TRA2B: variants seen among roughly 807,000 people sequenced by gnomAD.
TRA2B encodes transformer-2 protein homolog beta.
A neutral mutation model predicts 41.7 loss-of-function variants in TRA2B; 14 were observed. The ratio of observed to expected loss-of-function variants is 0.34; its 90% CI spans 0.22 to 0.53. The LOEUF is 0.53. Ranked by LOEUF, TRA2B falls within the 20% of genes least tolerant of loss-of-function variation. The pLI is 0.95. For missense variants in TRA2B, 167 were observed against 396.8 expected, an observed-to-expected ratio of 0.42 and a Z score of 4.92; for synonymous variants, 130 against 128.8, an observed-to-expected ratio of 1.01 and a Z score of -0.06.
In TRA2B at chr3:185,923,990, G is replaced by GA. The variant is rs757369157; in HGVS notation, c.334-7dup. The GA allele has an allele frequency of 1.6e-3, 2,324 of 1,452,348 alleles. No individual in the cohort carries two copies. Among genetic ancestry groups the GA allele is most frequent in the South Asian group, 4.4e-3 (331 of 75,256 alleles). The allele number at this position is 1,452,348 out of a possible 1,614,324, so 90.0% of individuals were successfully genotyped here. On this transcript the variant is annotated splice_region_variant and splice_polypyrimidine_tract_variant and intron_variant, in intron 3 of 8. Transcript: ENST00000453386. Reference sequence around the variant, plus strand: ...CAGTTAGGATCAGGATTTGCCTAGGGAAAAAAAAAAGTTTTAAACTTTGGA... The same window carrying GA: ...CAGTTAGGATCAGGATTTGCCTAGGGAAAAAAAAAAAGTTTTAAACTTTGGA...
At chr3:185,931,543 A>G in intron 1 of TRA2B, 2 of 1,150,786 alleles carry the variant, frequency 1.7e-6, no homozygotes, top group Non-Finnish European at 2.1e-6. Context: ...GTTTAGCAAA[A>G]TATACAGGGA....
At chr3:185,919,534 TTG>T (rs1743633945) in intron 6 of TRA2B, 38 bp from the exon 7 acceptor site, 1 of 1,557,928 alleles carries the variant, frequency 6.4e-7, no homozygotes, top group Admixed American at 1.9e-5. Flanking sequence ...CGCATTCAGT[TTG>T]TAAGTTTTAA....
chr3:185,919,885 C>A (rs1447772826), intron 6 of TRA2B, among the ~76,000 whole-genome samples: 2 of 152,096 alleles, frequency 1.3e-5, no homozygotes, highest in African/African-American at 2.4e-5. Flanking sequence ...CTGTTAACTT[C>A]TTAAACATTG....
rs1335636272 is a variant in TRA2B, at chr3:185,917,365, G to C, written c.*350C>G. On this transcript the variant is annotated 3_prime_UTR_variant, in exon 9 of 9. Coordinates refer to ENST00000453386, the MANE Select transcript of TRA2B (RefSeq NM_004593.3). ...TGTTTATTGTTGCTTTTTGCCATTT[G>C]GTAGCATTTTACACAGGCTTCGATC... is the stretch of plus-strand genomic sequence containing the variant. The C allele has an allele frequency of 1.5e-5, 4 of 260,702 alleles. No homozygotes were observed. Among genetic ancestry groups the C allele is most frequent in the Non-Finnish European group, 2.9e-5 (4 of 139,168 alleles). The allele number at this position is 260,702 out of a possible 1,614,324, so 16.1% of individuals were successfully genotyped here.
At chr3:185,934,749 G>A in intron 1 of TRA2B, 1 of 985,422 alleles carries the variant, frequency 1.0e-6, no homozygotes, top group Non-Finnish European at 1.2e-6. Context: ...CCAAGATTCA[G>A]CAGAAGATGA....
intron 4 of TRA2B, 195 bp downstream of exon 4, chr3:185,923,601 C>G: frequency 2.3e-6 from 1 of 438,856 alleles, no homozygotes; most frequent in Non-Finnish European, 4.0e-6. Flanking sequence ...ACTAATAAAG[C>G]AGGTGGTAGG....
intron 1 of TRA2B, among the ~76,000 whole-genome samples, chr3:185,932,554 GT>G (rs1744189813): frequency 1.3e-5 from 2 of 152,078 alleles, no homozygotes; most frequent in African/African-American, 4.8e-5. Context: ...TCCAACACTG[GT>G]ATTTTCAAAG....
intron 4 of TRA2B, 93 bp downstream of exon 4, chr3:185,923,703 A>C: frequency 8.1e-7 from 1 of 1,233,782 alleles, no homozygotes; most frequent in Non-Finnish European, 1.1e-6. Flanking sequence ...AGTATTACTG[A>C]CTTGTCCTTG....
rs1221660480 is a variant in TRA2B at position 185,936,897 on chromosome 3, C to T, written c.36+928G>A. 5 of 985,360 alleles carry T rather than the reference C, an allele frequency of 5.1e-6. No homozygotes were observed. The African/African-American group carries it at 7.0e-5, about 14-fold the overall frequency. The allele number at this position is 985,360 out of a possible 1,614,324, so 61.0% of individuals were successfully genotyped here. On this transcript the variant is annotated intron_variant, in intron 1 of 8. Coordinates refer to ENST00000453386, the MANE Select transcript of TRA2B (RefSeq NM_004593.3). ...TCTTGTTCCCGCAATTCAATCAACC[C>T]TCACTGAACACCTTTAAGAGGTGGA...
At chr3:185,936,789 T>G in intron 1 of TRA2B, 1 of 985,346 alleles carries the variant, frequency 1.0e-6, no homozygotes, top group Non-Finnish European at 1.2e-6. Context: ...AAGCCTCGTA[T>G]GTTCGCATCA....
chr3:185,916,492 T>G lies in TRA2B; in HGVS notation c.*1223A>C, dbSNP rs1189017497. 2 of 152,126 alleles carry G rather than the reference T, an allele frequency of 1.3e-5. No homozygotes were observed. The highest frequency in any genetic ancestry group is 2.4e-5 in the African/African-American group (1 of 41,404). 9.4% of individuals were successfully genotyped at this position (152,126 alleles called of 1,614,324 possible). A position where few individuals can be genotyped will look rare whatever the true frequency, so the allele number is the denominator to read the frequency against. ...TGAAAATTACTTAAATGCAAAATAA[T>G]AAGAACATGTATTAAAGTACCCGCA... On this transcript the variant is annotated 3_prime_UTR_variant, in exon 9 of 9. Transcript: ENST00000453386.
At position 185,936,922 on chromosome 3, in the gene TRA2B, A is replaced by C; in HGVS notation, c.36+903T>G. 3.0e-6 allele frequency: 3 copies of C among 985,420 alleles called. No individual in the cohort carries two copies. In the South Asian group the frequency reaches 1.4e-4, roughly 46 times the overall value. The allele number at this position is 985,420 out of a possible 1,614,324, so 61.0% of individuals were successfully genotyped here. Reference sequence around the variant, plus strand: ...CTCACTGAACACCTTTAAGAGGTGGAAACTTAAGGGAAAGAAAACTGTAGC... The same window carrying C: ...CTCACTGAACACCTTTAAGAGGTGGCAACTTAAGGGAAAGAAAACTGTAGC... On this transcript the variant is annotated intron_variant, in intron 1 of 8. Coordinates refer to ENST00000453386, the MANE Select transcript of TRA2B (RefSeq NM_004593.3).
intron 1 of TRA2B, among the ~76,000 whole-genome samples, chr3:185,932,690 A>G (rs1006671765): frequency 2.0e-5 from 3 of 152,196 alleles, no homozygotes; most frequent in African/African-American, 7.2e-5. Context: ...AATAATTAAA[A>G]AGATTGAATT....
intron 8 of TRA2B, 75 bp downstream of exon 8, chr3:185,918,290 C>T: frequency 9.3e-7 from 1 of 1,076,000 alleles, no homozygotes; most frequent in South Asian, 1.5e-5. Flanking sequence ...AATCCATTAT[C>T]TGATAAAGGG....
chr3:185,927,028 T>C, intron 1 of TRA2B: 1 of 268,946 alleles, frequency 3.7e-6, no homozygotes, highest in South Asian at 5.3e-5. Context: ...GTCCAAGGAC[T>C]GTGTTTCAGA....
rs543587064 is a variant in TRA2B, at chr3:185,921,078, G to A, written c.722+26C>T. ...CTGTACACTGTACTGAGATTCAGAC[G>A]TTGACCTTTCTACCTCATAACTTAC... On this transcript the variant is annotated intron_variant, in intron 6 of 8. Coordinates refer to ENST00000453386, the MANE Select transcript of TRA2B (RefSeq NM_004593.3). 1.7e-5 allele frequency: 27 copies of A among 1,600,564 alleles called. No individual in the cohort carries two copies. In the African/African-American group the frequency reaches 2.5e-4, roughly 15 times the overall value.
intron 4 of TRA2B, 51 bp downstream of exon 4, chr3:185,923,745 T>C (rs369527055): frequency 1.9e-4 from 279 of 1,498,246 alleles, no homozygotes; most frequent in Non-Finnish European, 2.4e-4. Flanking sequence ...ACTGATAACT[T>C]GGCGTTAACA....
At position 185,924,015 on chromosome 3, in the gene TRA2B, A is replaced by G. The variant is rs769648431; in HGVS notation, c.334-31T>C. 4 of 1,570,156 alleles carry G rather than the reference A, an allele frequency of 2.5e-6. No individual in the cohort carries two copies. In the Admixed American group the frequency reaches 8.0e-5, roughly 31 times the overall value. ...GAAAAAAAAAAGTTTTAAACTTTGG[A>G]AAAGTTGTCATAAAATCAAAGTTGT... is the stretch of plus-strand genomic sequence containing the variant. On this transcript the variant is annotated intron_variant, in intron 3 of 8. Coordinates refer to ENST00000453386, the MANE Select transcript of TRA2B (RefSeq NM_004593.3).
intron 8 of TRA2B, 61 bp from the exon 9 acceptor site, chr3:185,917,786 A>G (rs1162794706): frequency 2.6e-6 from 4 of 1,550,024 alleles, no homozygotes; most frequent in Non-Finnish European, 3.5e-6. Flanking sequence ...AGTATACTTT[A>G]ATGCCGAGAA....
Sources: gnomAD v4.1 joint callset for allele counts (sites outside exome capture counted in the v4.1 genomes callset) on GRCh38, gnomAD v4.1.1 for gene constraint, MANE v1.5 for transcripts, NCBI Gene and HGNC (gene_info 2026-07-23, HGNC 2026-07-21) for gene names.